CLEC3A: variants seen among roughly 807,000 people sequenced by gnomAD.
CLEC3A encodes the protein C-type (calcium dependent, carbohydrate-recognition domain) lectin, superfamily member 1 (cartilage-derived).
CLEC3A carries 28 observed loss-of-function variants against 20.4 expected under a neutral mutation model. That is an observed-to-expected ratio of 1.37 (90% CI 1.02 to 1.88). CLEC3A has a LOEUF of 1.88. Among genes scored for constraint, CLEC3A ranks in the 40% most tolerant of loss-of-function variants. The pLI is 0.00. For missense variants in CLEC3A, 357 were observed against 240.4 expected (o/e 1.48, Z -3.21); for synonymous variants, 110 against 88.1 (o/e 1.25, Z -1.39).
In CLEC3A at chr16:78,022,748, G is replaced by C. The variant is rs772045977; in HGVS notation, c.115+7G>C. 9 of 1,613,248 alleles carry C rather than the reference G, an allele frequency of 5.6e-6. No homozygotes were observed. Among genetic ancestry groups the C allele is most frequent in the Non-Finnish European group, 7.6e-6 (9 of 1,179,916 alleles). On this transcript the variant is annotated splice_region_variant and intron_variant, in intron 1 of 2. Transcript: ENST00000299642. ...AGCAAACGTCGAGTGAGAGGTAATG[G>C]GGCTTCTCAATCAAGCAAAATTCTA... is the stretch of plus-strand genomic sequence containing the variant.
At chr16:78,025,264 C>T (rs1185486613) in intron 1 of CLEC3A, among the ~76,000 whole-genome samples, 1 of 152,214 alleles carries the variant, frequency 6.6e-6, no homozygotes, top group Non-Finnish European at 1.5e-5. Context: ...ATTTTAACAG[C>T]TGCATAATAT....
At chr16:78,024,696 G>C (rs2018790995) in intron 1 of CLEC3A, among the ~76,000 whole-genome samples, 1 of 152,124 alleles carries the variant, frequency 6.6e-6, no homozygotes, top group African/African-American at 2.4e-5. Context: ...TAAGTACCTT[G>C]AAATATAATA....
At chr16:78,030,378 GC>G in intron 2 of CLEC3A, 68 bp from the exon 3 acceptor site, 8 of 1,361,220 alleles carry the variant, frequency 5.9e-6, no homozygotes, top group Non-Finnish European at 7.0e-6. Flanking sequence ...ATTGCTATTT[GC>G]CAGGTCCAGC....
intron 1 of CLEC3A, among the ~76,000 whole-genome samples, chr16:78,026,537 C>T (rs1201705735): frequency 6.6e-6 from 1 of 152,176 alleles, no homozygotes; most frequent in Non-Finnish European, 1.5e-5. Context: ...AGCTGGGTGA[C>T]CTTCAGCAGG....
chr16:78,029,188 CAG>C (rs2030012278), intron 2 of CLEC3A: 1 of 453,544 alleles, frequency 2.2e-6, no homozygotes, highest in African/African-American at 2.0e-5. Flanking sequence ...AGTTAAATGT[CAG>C]AGATGAGACC....
intron 1 of CLEC3A, among the ~76,000 whole-genome samples, chr16:78,022,973 T>C (rs1474040323): frequency 1.3e-5 from 2 of 152,136 alleles, no homozygotes; most frequent in Admixed American, 6.5e-5. Flanking sequence ...AAAAATTTGA[T>C]AGTAAAAGAA....
rs549740657 is a variant in CLEC3A, at chr16:78,031,643, C to T, written c.*802C>T. 2 of 152,316 alleles carry T rather than the reference C, an allele frequency of 1.3e-5. No homozygotes were observed. Among genetic ancestry groups the T allele is most frequent in the East Asian group, 3.9e-4 (2 of 5,184 alleles). 9.4% of individuals were successfully genotyped at this position (152,316 alleles called of 1,614,324 possible). A position where few individuals can be genotyped will look rare whatever the true frequency, so the allele number is the denominator to read the frequency against. On this transcript the variant is annotated 3_prime_UTR_variant, in exon 3 of 3. Transcript: ENST00000299642. ...AGAACCTACATTTATTTTGCTTTAG[C>T]ATCCTTACTCTCACCTTTTATGAGA...
At chr16:78,029,185 T>C (rs1175641000) in intron 2 of CLEC3A, 2 of 453,902 alleles carry the variant, frequency 4.4e-6, no homozygotes, top group East Asian at 1.4e-4. Context: ...GCTAGTTAAA[T>C]GTCAGAGATG....
chr16:78,027,818 G>A lies in CLEC3A; in HGVS notation c.116-289G>A, dbSNP rs142259384. ...TTACAGGCATTCAACACCATGCCCA[G>A]CTAATTTTTATACTTTTAGTAGAGA... On this transcript the variant is annotated intron_variant, in intron 1 of 2. Coordinates refer to ENST00000299642, the MANE Select transcript of CLEC3A (RefSeq NM_005752.6). Among the ~76,000 whole-genome samples, 580 of 152,182 alleles carry A rather than the reference G, an allele frequency of 3.8e-3. 3 individuals are homozygous for A. The highest frequency in any genetic ancestry group is 0.014 in the African/African-American group (568 of 41,520).
At chr16:78,023,159 A>C (rs2018771481) in intron 1 of CLEC3A, among the ~76,000 whole-genome samples, 1 of 152,212 alleles carries the variant, frequency 6.6e-6, no homozygotes, top group Admixed American at 6.5e-5. Context: ...TTTTAAGATA[A>C]CTATAATCTT....
chr16:78,024,833 ATTGT>A (rs1011624334), intron 1 of CLEC3A, among the ~76,000 whole-genome samples: 15 of 152,096 alleles, frequency 9.9e-5, no homozygotes, highest in African/African-American at 3.6e-4. Context: ...TTTTTGTAGG[ATTGT>A]TTGTTTTGAG....
intron 1 of CLEC3A, among the ~76,000 whole-genome samples, chr16:78,027,872 T>A (rs1426213424): frequency 1.3e-5 from 2 of 152,234 alleles, no homozygotes; most frequent in Non-Finnish European, 2.9e-5. Flanking sequence ...GCCAGGCTGG[T>A]CTCGAACTCC....
In CLEC3A at chr16:78,028,338, T is replaced by C. The variant is rs2029986678; in HGVS notation, c.199+148T>C. On this transcript the variant is annotated intron_variant, in intron 2 of 2. Coordinates refer to ENST00000299642, the MANE Select transcript of CLEC3A (RefSeq NM_005752.6). ...CCCCAATGCCGGGAGATGATTGTTT[T>C]AGGAAATCAGCTTCATTTACAATCC... is the stretch of plus-strand genomic sequence containing the variant. The C allele has an allele frequency of 6.9e-6, 4 of 576,436 alleles. No individual in the cohort carries two copies. The South Asian group carries it at 7.4e-5, about 11-fold the overall frequency. The allele number at this position is 576,436 out of a possible 1,614,324, so 35.7% of individuals were successfully genotyped here.
chr16:78,024,605 G>C (rs558501010), intron 1 of CLEC3A, among the ~76,000 whole-genome samples: 1 of 152,278 alleles, frequency 6.6e-6, no homozygotes, highest in South Asian at 2.1e-4. Context: ...CTAGAAAGTA[G>C]ATTCTACAGT....
At chr16:78,022,982 A>T (rs1202346683) in intron 1 of CLEC3A, among the ~76,000 whole-genome samples, 1 of 152,128 alleles carries the variant, frequency 6.6e-6, no homozygotes. Flanking sequence ...ATAGTAAAAG[A>T]ATTCTGTGTT....
chr16:78,023,099 C>T (rs1199464643), intron 1 of CLEC3A, among the ~76,000 whole-genome samples: 1 of 152,182 alleles, frequency 6.6e-6, no homozygotes, highest in African/African-American at 2.4e-5. Context: ...AATGTATTAA[C>T]TGAGCACACT....
intron 1 of CLEC3A, among the ~76,000 whole-genome samples, chr16:78,026,888 T>G (rs913425583): frequency 6.6e-6 from 1 of 152,202 alleles, no homozygotes; most frequent in South Asian, 2.1e-4. Context: ...TATTTCTATA[T>G]GAACCTTTAG....
chr16:78,024,505 T>TAA (rs939085646), intron 1 of CLEC3A, among the ~76,000 whole-genome samples: 7 of 152,048 alleles, frequency 4.6e-5, no homozygotes, highest in Non-Finnish European at 8.8e-5. Context: ...TGCTTTTATT[T>TAA]AAAAACAAAA....
chr16:78,030,715 T>C lies in CLEC3A; in HGVS notation c.468T>C (p.Arg156=). The change falls in exon 3 of 3, where the codon CGT becomes CGC. Residue 156 remains arginine, a synonymous_variant. Transcript: ENST00000299642. ...GIAISFLNWD[R]AQPNGGKREN... ...CTATCTCCTTCCTCAACTGGGACCG[T>C]GCACAGCCTAACGGTGGCAAGCGAG... 6.2e-7 allele frequency: 1 copy of C among 1,614,166 alleles called. No homozygotes were observed. The highest frequency in any genetic ancestry group is 8.5e-7 in the Non-Finnish European group (1 of 1,180,020).
Sources: allele counts gnomAD v4.1 joint callset (sites outside exome capture counted in the v4.1 genomes callset), GRCh38; gene constraint gnomAD v4.1.1; transcripts MANE v1.5; gene names NCBI Gene and HGNC (gene_info 2026-07-23, HGNC 2026-07-21).